The following MAP4K5 variants were observed in gnomAD, a reference collection of about 807,000 sequenced individuals.
MAP4K5 encodes MAPK/ERK kinase kinase kinase 5.
MAP4K5 carries 82 observed loss-of-function variants against 135.6 expected under a neutral mutation model. The ratio of observed to expected loss-of-function variants is 0.60; its 90% confidence interval spans 0.51 to 0.73. MAP4K5 has a LOEUF of 0.73. Ranked by LOEUF, MAP4K5 falls within the 30% of genes least tolerant of loss-of-function variation. The pLI is 0.00. For missense variants in MAP4K5, 907 were observed against 1,010.9 expected (o/e 0.90, Z 1.39); for synonymous variants, 347 against 335.0 (o/e 1.04, Z -0.39).
At chr14:50,522,713 T>C (rs1431923041) in intron 2 of MAP4K5, among the ~76,000 whole-genome samples, 3 of 152,168 alleles carry the variant, frequency 2.0e-5, no homozygotes, top group Non-Finnish European at 4.4e-5. Flanking sequence ...CAAGAGTCTC[T>C]CATAATGTCA....
intron 28 of MAP4K5, 85 bp downstream of exon 28, chr14:50,434,309 G>T (rs2086281550): frequency 1.1e-6 from 1 of 944,656 alleles, no homozygotes; most frequent in South Asian, 1.7e-5. Context: ...GCCCACACTG[G>T]TGTTTTGCTT....
At chr14:50,437,872 G>A (rs1406554331) in intron 25 of MAP4K5, 22 bp downstream of exon 25, 1 of 1,339,958 alleles carries the variant, frequency 7.5e-7, no homozygotes, top group Non-Finnish European at 1.1e-6. Context: ...TCATTCAGTA[G>A]AATCAAAATG....
chr14:50,440,401 T>A lies in MAP4K5; in HGVS notation c.1605A>T (p.Thr535=). Residue 535 remains threonine (T), a synonymous_variant, in exon 22 of 33, where the codon ACA becomes ACT. Coordinates refer to ENST00000682126, the MANE Select transcript of MAP4K5 (RefSeq NM_006575.6). The part of the protein sequence containing the change: ...IIFGTEDGIY[T]LNLNELHEAT... The stretch of plus-strand genomic sequence containing the variant: ...CCTCATGTAGCTCATTGAGATTCAG[T>A]GTGTAAATACCATCTTCAGTTCCAA... 6.2e-7 allele frequency: 1 copy of A among 1,604,764 alleles called. No individual in the cohort carries two copies. Among genetic ancestry groups the A allele is most frequent in the Middle Eastern group, 1.7e-4 (1 of 6,028 alleles).
chr14:50,483,587 C>G (rs994839804), intron 5 of MAP4K5, among the ~76,000 whole-genome samples: 3 of 150,806 alleles, frequency 2.0e-5, no homozygotes, highest in Non-Finnish European at 3.0e-5. Context: ...ATTATGCTAT[C>G]TAGTATACTA....
intron 9 of MAP4K5, among the ~76,000 whole-genome samples, chr14:50,473,716 C>T (rs1260074820): frequency 5.2e-5 from 5 of 95,466 alleles, no homozygotes; most frequent in South Asian, 3.4e-4. Flanking sequence ...TTTGGTTTCA[C>T]TTTTTTTTTT....
Position 50,476,009 on chromosome 14 carries a change from G to A in MAP4K5, c.469+119C>T, listed in dbSNP as rs573805967. 1,176 of 526,134 alleles carry A rather than the reference G, an allele frequency of 2.2e-3. 8 individuals are homozygous for A. The highest frequency in any genetic ancestry group is 0.011 in the South Asian group (326 of 30,112). 32.6% of individuals were successfully genotyped at this position (526,134 alleles called of 1,614,324 possible). On this transcript the variant is annotated intron_variant, in intron 8 of 32. Coordinates refer to ENST00000682126, the MANE Select transcript of MAP4K5 (RefSeq NM_006575.6). ...TGGATCAAAAGTTAAACATTACTGCGACTCTTGATATGAAAATGAAATCTG... is the reference window on the plus strand; with the variant it reads ...TGGATCAAAAGTTAAACATTACTGCAACTCTTGATATGAAAATGAAATCTG...
chr14:50,496,795 G>A (rs1004671507), intron 3 of MAP4K5, among the ~76,000 whole-genome samples: 2 of 150,252 alleles, frequency 1.3e-5, no homozygotes, highest in Non-Finnish European at 3.0e-5. Context: ...CAACAGGTGT[G>A]AACCACCGCT....
intron 1 of MAP4K5, among the ~76,000 whole-genome samples, chr14:50,543,075 G>T (rs1382707022): frequency 6.6e-6 from 1 of 152,214 alleles, no homozygotes; most frequent in African/African-American, 2.4e-5. Context: ...CATCCATCTC[G>T]ATAGTTATAC....
At chr14:50,491,570 T>C (rs1169949333) in intron 3 of MAP4K5, among the ~76,000 whole-genome samples, 2 of 152,140 alleles carry the variant, frequency 1.3e-5, no homozygotes. Flanking sequence ...CCACTGGTAT[T>C]ACAGGCATGA....
chr14:50,491,324 CTTT>C (rs869302168), intron 3 of MAP4K5, among the ~76,000 whole-genome samples: 5 of 139,886 alleles, frequency 3.6e-5, no homozygotes, highest in Admixed American at 7.2e-5. Flanking sequence ...TATTATCTCT[CTTT>C]TTTTTTTTTT....
chr14:50,526,349 GAGT>G (rs1355662698), intron 2 of MAP4K5, among the ~76,000 whole-genome samples: 1 of 152,114 alleles, frequency 6.6e-6, no homozygotes, highest in Non-Finnish European at 1.5e-5. Context: ...GCCCAGGCTG[GAGT>G]GAAGTGGCGC....
chr14:50,530,660 C>T (rs1344629903), intron 2 of MAP4K5, among the ~76,000 whole-genome samples: 1 of 152,204 alleles, frequency 6.6e-6, no homozygotes, highest in Non-Finnish European at 1.5e-5. Context: ...TACAAACATA[C>T]ACTTTGAGTT....
intron 13 of MAP4K5, among the ~76,000 whole-genome samples, chr14:50,457,013 C>A (rs1480529601): frequency 3.3e-5 from 5 of 152,088 alleles, no homozygotes; most frequent in Non-Finnish European, 7.4e-5. Context: ...CCAGTATGTA[C>A]TGAATATGCA....
At chr14:50,519,084 ATGT>A (rs530776589) in intron 2 of MAP4K5, among the ~76,000 whole-genome samples, 6 of 152,282 alleles carry the variant, frequency 3.9e-5, no homozygotes, top group Admixed American at 2.6e-4. Context: ...AATTGCTTGT[ATGT>A]TTGTATATAA....
At chr14:50,532,572 T>TCGC (rs531110683), upstream of MAP4K5, 1,640 of 150,328 alleles carry the variant, frequency 0.011, 20 homozygotes, top group African/African-American at 0.034. Flanking sequence ...GCGCGTACAG[T>TCGC]CGCCGCCGCC....
chr14:50,451,019 A>G (rs563889415), intron 14 of MAP4K5, among the ~76,000 whole-genome samples: 1 of 152,216 alleles, frequency 6.6e-6, no homozygotes, highest in African/African-American at 2.4e-5. Flanking sequence ...AAATATGTTC[A>G]AGGATTTAAG....
intron 17 of MAP4K5, among the ~76,000 whole-genome samples, chr14:50,445,847 G>A (rs1449861829): frequency 1.3e-5 from 2 of 152,108 alleles, no homozygotes; most frequent in East Asian, 1.9e-4. Context: ...GATTATATGC[G>A]TGAGCCACCA....
At chr14:50,443,705 A>G (rs1266903748) in intron 20 of MAP4K5, 24 bp downstream of exon 20, 2 of 1,570,702 alleles carry the variant, frequency 1.3e-6, no homozygotes, top group Admixed American at 4.2e-5. Flanking sequence ...AACGGCAAAT[A>G]GTTCACATAA....
chr14:50,518,724 C>T (rs1295550080), intron 2 of MAP4K5, among the ~76,000 whole-genome samples: 1 of 152,206 alleles, frequency 6.6e-6, no homozygotes, highest in African/African-American at 2.4e-5. Context: ...ACTCATCTGT[C>T]TCTGAAAAGG....
Sources: gnomAD v4.1 joint callset for allele counts (sites outside exome capture counted in the v4.1 genomes callset) on GRCh38, gnomAD v4.1.1 for gene constraint, MANE v1.5 for transcripts, NCBI Gene and HGNC (gene_info 2026-07-23, HGNC 2026-07-21) for gene names.